LNX1: variants seen among roughly 807,000 people sequenced by gnomAD.
LNX1 encodes E3 ubiquitin-protein ligase LNX.
Under a neutral mutation model 68.4 loss-of-function variants are expected in LNX1, and 54 were observed. The observed-to-expected ratio is 0.79, with a 90% CI of 0.63 to 0.99. The LOEUF (loss-of-function observed/expected upper bound fraction) is 0.99. Ranked by LOEUF, LNX1 falls within the 50% of genes least tolerant of loss-of-function variation. LNX1 has a pLI of 0.00. For synonymous variants in LNX1, 336 were observed against 350.0 expected, an observed-to-expected ratio of 0.96 and a Z score of 0.45; for missense variants, 906 against 926.4, an observed-to-expected ratio of 0.98 and a Z score of 0.29.
intron 2 of LNX1, among the ~76,000 whole-genome samples, chr4:53,600,321 A>G (rs1039930512): frequency 1.1e-4 from 16 of 152,168 alleles, no homozygotes; most frequent in African/African-American, 3.9e-4. Context: ...AAAAAGTCCT[A>G]GTAGGGAATG....
At chr4:53,609,065 T>C (rs1046817375) in intron 2 of LNX1, among the ~76,000 whole-genome samples, 4 of 152,050 alleles carry the variant, frequency 2.6e-5, no homozygotes, top group African/African-American at 9.7e-5. Context: ...AACAGACACA[T>C]AGACCAACAG....
chr4:53,537,645 C>T (rs1463786559), intron 2 of LNX1, among the ~76,000 whole-genome samples: 1 of 152,228 alleles, frequency 6.6e-6, no homozygotes, highest in Non-Finnish European at 1.5e-5. Context: ...GCTTGTGAGA[C>T]TCAGCACTGC....
rs60960129 is a variant in LNX1 at position 53,501,304 on chromosome 4, G to GCGC, written c.776-2462_776-2461insGCG. Among the ~76,000 whole-genome samples the GCGC allele has an allele frequency of 2.7e-5, 2 of 75,170 alleles. 1 individual carries two copies. Among genetic ancestry groups the GCGC allele is most frequent in the Non-Finnish European group, 5.3e-5 (2 of 37,744 alleles). The allele number at this position is 75,170 out of a possible 152,430, so 49.3% of individuals were successfully genotyped here. A position where few individuals can be genotyped will look rare whatever the true frequency, so the allele number is the denominator to read the frequency against. ...ATCTTTTTTTTTTTTTTTTTTGGGG[G>GCGC]TGGGGGGACAGGATCTCACTCTGTC... is the stretch of plus-strand genomic sequence containing the variant. On this transcript the variant is annotated intron_variant, in intron 4 of 10. Coordinates refer to ENST00000263925, the MANE Select transcript of LNX1 (RefSeq NM_001126328.3).
intron 2 of LNX1, among the ~76,000 whole-genome samples, chr4:53,551,055 G>T (rs1729469919): frequency 6.6e-6 from 1 of 152,166 alleles, no homozygotes; most frequent in African/African-American, 2.4e-5. Context: ...CGCAGGTTAG[G>T]TTAGAGTCAG....
At position 53,459,435 on chromosome 4, in the gene LNX1, A is replaced by G; in HGVS notation, c.*1472T>C. ...CCCTGAACAGGAGAGCACCGAAGCT[A>G]CACCTGCAGAATAGGCATGGTTTTG... On this transcript the variant is annotated 3_prime_UTR_variant, in exon 11 of 11. Coordinates refer to ENST00000263925, the MANE Select transcript of LNX1 (RefSeq NM_001126328.3). 1 of 1,613,672 alleles carries G rather than the reference A, an allele frequency of 6.2e-7. No individual in the cohort carries two copies. Among genetic ancestry groups the G allele is most frequent in the East Asian group, 2.2e-5 (1 of 44,880 alleles).
chr4:53,571,520 A>G (rs940993199), intron 2 of LNX1, among the ~76,000 whole-genome samples: 2 of 152,158 alleles, frequency 1.3e-5, no homozygotes, highest in Non-Finnish European at 2.9e-5. Context: ...GAGCCAAGGA[A>G]GACAGGCAGC....
intron 2 of LNX1, among the ~76,000 whole-genome samples, chr4:53,549,024 A>G (rs1729310098): frequency 6.6e-6 from 1 of 152,190 alleles, no homozygotes; most frequent in Non-Finnish European, 1.5e-5. Context: ...TTGAAGGTGG[A>G]GGGTAGGAGG....
chr4:53,547,976 A>G (rs1729223557), intron 2 of LNX1, among the ~76,000 whole-genome samples: 1 of 152,038 alleles, frequency 6.6e-6, no homozygotes, highest in African/African-American at 2.4e-5. Context: ...GAGGACTCAA[A>G]TTCTGAACAT....
intron 1 of LNX1, among the ~76,000 whole-genome samples, 173 bp downstream of exon 1, chr4:53,591,215 A>G (rs778016390): frequency 1.2e-4 from 19 of 152,332 alleles, no homozygotes; most frequent in Admixed American, 6.5e-4. Context: ...TTGTGCAACT[A>G]GAATGTCAAA....
At chr4:53,520,612 G>A (rs2109572692) in intron 2 of LNX1, among the ~76,000 whole-genome samples, 1 of 152,218 alleles carries the variant, frequency 6.6e-6, no homozygotes, top group South Asian at 2.1e-4. Flanking sequence ...ATGGGGTGGG[G>A]GTCAGGTTCT....
chr4:53,607,240 A>G (rs1020703287), intron 2 of LNX1, among the ~76,000 whole-genome samples: 2 of 152,212 alleles, frequency 1.3e-5, no homozygotes, highest in Non-Finnish European at 2.9e-5. Flanking sequence ...AAGCTCACTG[A>G]TCTGATAAAC....
At chr4:53,590,455 A>G (rs558643483) in intron 1 of LNX1, among the ~76,000 whole-genome samples, 49 of 152,262 alleles carry the variant, frequency 3.2e-4, no homozygotes, top group Non-Finnish European at 4.9e-4. Flanking sequence ...TGGGCTTAAA[A>G]ATGGTTTCCT....
intron 6 of LNX1, among the ~76,000 whole-genome samples, chr4:53,484,807 T>C (rs934574549): frequency 3.9e-5 from 6 of 152,148 alleles, no homozygotes; most frequent in African/African-American, 1.4e-4. Context: ...ATCGGCCAGG[T>C]GAGTTGACTC....
intron 2 of LNX1, among the ~76,000 whole-genome samples, chr4:53,533,462 G>A (rs1577673077): frequency 1.3e-5 from 2 of 152,112 alleles, no homozygotes; most frequent in Non-Finnish European, 1.5e-5. Flanking sequence ...GCAGCGGTGC[G>A]TTCTCAGCTC....
Position 53,460,770 on chromosome 4 carries a change from A to G in LNX1, c.*137T>C. On this transcript the variant is annotated 3_prime_UTR_variant, in exon 11 of 11. Transcript: ENST00000263925. ...ATTTTCTGAGGTGTAACTGGCTTTC[A>G]TTAGATGATCATACTTTTCCTGACA... 1 of 899,354 alleles carries G rather than the reference A, an allele frequency of 1.1e-6. No individual in the cohort carries two copies. The highest frequency in any genetic ancestry group is 3.1e-5 in the Admixed American group (1 of 32,348). 55.7% of individuals were successfully genotyped at this position (899,354 alleles called of 1,614,324 possible).
intron 1 of LNX1, among the ~76,000 whole-genome samples, chr4:53,651,931 C>T (rs1417371655): frequency 6.6e-6 from 1 of 151,906 alleles, no homozygotes. Flanking sequence ...GTATAAAGAG[C>T]GCAAATGCCC....
intron 9 of LNX1, among the ~76,000 whole-genome samples, chr4:53,472,595 A>G (rs1391771863): frequency 1.4e-5 from 2 of 147,208 alleles, no homozygotes; most frequent in African/African-American, 5.0e-5. Context: ...TTTTTATTTT[A>G]TTTTTATTTG....
intron 2 of LNX1, among the ~76,000 whole-genome samples, chr4:53,551,463 C>T (rs1023494785): frequency 1.3e-5 from 2 of 152,122 alleles, no homozygotes; most frequent in Non-Finnish European, 2.9e-5. Context: ...AGCATGCGCA[C>T]TAAGAGGCAA....
upstream of LNX1, among the ~76,000 whole-genome samples, chr4:53,592,565 A>G (rs1577772277): frequency 6.6e-6 from 1 of 152,208 alleles, no homozygotes; most frequent in African/African-American, 2.4e-5. Context: ...GTCCCGGAAG[A>G]TGGCCTGCCT....
Sources: gnomAD v4.1 joint callset for allele counts (sites outside exome capture counted in the v4.1 genomes callset) on GRCh38, gnomAD v4.1.1 for gene constraint, MANE v1.5 for transcripts, NCBI Gene and HGNC (gene_info 2026-07-23, HGNC 2026-07-21) for gene names.